Variants in XKR9 observed in about 807,000 individuals in gnomAD.
XKR9 encodes the protein XK related 9.
Under a neutral mutation model 32.0 loss-of-function variants are expected in XKR9, and 32 were observed. The observed-to-expected ratio is 1.00, with a 90% CI of 0.76 to 1.34. The LOEUF is 1.34. XKR9 is among the 40% of genes most tolerant of loss of function. The pLI, the probability that XKR9 is intolerant of heterozygous loss-of-function variation, is 0.00. For missense variants in XKR9, 546 were observed against 429.7 expected, an observed-to-expected ratio of 1.27 and a Z score of -2.39; for synonymous variants, 168 against 143.4, an observed-to-expected ratio of 1.17 and a Z score of -1.22.
intron 3 of XKR9, among the ~76,000 whole-genome samples, chr8:70,702,279 A>G (rs1231467003): frequency 2.6e-5 from 4 of 152,192 alleles, no homozygotes; most frequent in Non-Finnish European, 1.5e-5. Context: ...TAAATTTATT[A>G]TAATAACATA....
chr8:70,792,062 A>G (rs1242991697), downstream of XKR9, among the ~76,000 whole-genome samples: 1 of 152,098 alleles, frequency 6.6e-6, no homozygotes, highest in Admixed American at 6.6e-5. Flanking sequence ...AGAAAGGATC[A>G]GTTATTCGAT....
chr8:71,062,017 G>A, the XKR9 span, among the ~76,000 whole-genome samples: 1 of 152,142 alleles, frequency 6.6e-6, no homozygotes, highest in African/African-American at 2.4e-5. Flanking sequence ...TGTTCCTTTG[G>A]CCAATGTAGT....
At chr8:70,876,404 G>T in the XKR9 span, among the ~76,000 whole-genome samples, 1 of 151,922 alleles carries the variant, frequency 6.6e-6, no homozygotes, top group African/African-American at 2.4e-5. Context: ...TAGAGACGGG[G>T]TTTCACCATG....
the XKR9 span, among the ~76,000 whole-genome samples, chr8:70,891,505 T>G: frequency 6.6e-6 from 1 of 152,040 alleles, no homozygotes; most frequent in South Asian, 2.1e-4. Context: ...TTTATTTGTT[T>G]CATGAAATTT....
chr8:71,017,908 T>G, the XKR9 span, among the ~76,000 whole-genome samples: 1 of 152,336 alleles, frequency 6.6e-6, no homozygotes, highest in East Asian at 1.9e-4. Flanking sequence ...TTGTTGTTTT[T>G]GGGTGGATGC....
chr8:70,972,560 C>T, the XKR9 span, among the ~76,000 whole-genome samples: 1 of 152,050 alleles, frequency 6.6e-6, no homozygotes, highest in Admixed American at 6.6e-5. Flanking sequence ...AGGGGGAATG[C>T]TTTCAACTTT....
At chr8:70,781,107 T>C (rs1807609892) in intron 2 of XKR9, 1 of 152,136 alleles carries the variant, frequency 6.6e-6, no homozygotes, top group African/African-American at 2.4e-5. Flanking sequence ...ATAACCATCC[T>C]AGTGGGTATA....
At chr8:70,844,078 T>C in the XKR9 span, among the ~76,000 whole-genome samples, 2 of 152,206 alleles carry the variant, frequency 1.3e-5, no homozygotes, top group African/African-American at 4.8e-5. Flanking sequence ...CCAAGGACGA[T>C]GTCCCCAGGA....
At chr8:70,876,883 G>A in the XKR9 span, among the ~76,000 whole-genome samples, 1 of 152,036 alleles carries the variant, frequency 6.6e-6, no homozygotes, top group African/African-American at 2.4e-5. Context: ...AATAAATAAT[G>A]TAGTACTGTT....
the XKR9 span, among the ~76,000 whole-genome samples, chr8:71,005,197 G>C: frequency 1.1e-4 from 17 of 149,230 alleles, no homozygotes; most frequent in Non-Finnish European, 2.4e-4. Context: ...AACTTTTCTG[G>C]GGCTCAGTTT....
At chr8:71,016,032 C>A in the XKR9 span, among the ~76,000 whole-genome samples, 31 of 152,260 alleles carry the variant, frequency 2.0e-4, no homozygotes, top group South Asian at 6.4e-3. Context: ...TGAATACCAA[C>A]ACAGCATCAT....
the XKR9 span, among the ~76,000 whole-genome samples, chr8:70,890,603 G>A: frequency 2.8e-4 from 42 of 152,024 alleles, no homozygotes; most frequent in Admixed American, 4.6e-4. Context: ...GAAGTACCAT[G>A]TTTATTGATT....
chr8:71,004,426 A>T, the XKR9 span, among the ~76,000 whole-genome samples: 1 of 152,306 alleles, frequency 6.6e-6, no homozygotes, highest in Non-Finnish European at 1.5e-5. Flanking sequence ...GGCTTGGGGG[A>T]TATAAAGATG....
the XKR9 span, among the ~76,000 whole-genome samples, chr8:70,877,555 G>C: frequency 6.6e-6 from 1 of 152,046 alleles, no homozygotes; most frequent in African/African-American, 2.4e-5. Context: ...TTGTATTATA[G>C]GTATCAGTGA....
the XKR9 span, among the ~76,000 whole-genome samples, chr8:71,065,225 G>A: frequency 6.6e-6 from 1 of 152,156 alleles, no homozygotes; most frequent in Non-Finnish European, 1.5e-5. Flanking sequence ...CAATGTGACT[G>A]CATTTGGAGA....
chr8:71,020,804 C>T, the XKR9 span, among the ~76,000 whole-genome samples: 1 of 152,166 alleles, frequency 6.6e-6, no homozygotes, highest in Admixed American at 6.5e-5. Context: ...ATATATGATA[C>T]ATTGTTGTTA....
the XKR9 span, among the ~76,000 whole-genome samples, chr8:70,856,749 AG>A: frequency 6.6e-6 from 1 of 152,222 alleles, no homozygotes; most frequent in African/African-American, 2.4e-5. Context: ...CAAATGTAAA[AG>A]AACAGAAATT....
intron 2 of XKR9, among the ~76,000 whole-genome samples, chr8:70,785,019 G>A (rs1024583973): frequency 6.6e-6 from 1 of 151,766 alleles, no homozygotes; most frequent in Non-Finnish European, 1.5e-5. Flanking sequence ...GATAATGCTG[G>A]CCTCATAAAG....
intron 2 of XKR9, among the ~76,000 whole-genome samples, chr8:70,746,433 T>C (rs1807060343): frequency 1.4e-5 from 2 of 147,770 alleles, no homozygotes; most frequent in South Asian, 4.2e-4. Context: ...ATATGATATA[T>C]AGAAATATAT....
Sources: allele counts gnomAD v4.1 joint callset (sites outside exome capture counted in the v4.1 genomes callset), GRCh38; gene constraint gnomAD v4.1.1; transcripts MANE v1.5; gene names NCBI Gene and HGNC (gene_info 2026-07-23, HGNC 2026-07-21).